Variants in PUM2 observed in about 807,000 individuals in gnomAD.
The protein encoded by PUM2 is pumilio homolog 2.
Under a neutral mutation model 124.5 loss-of-function variants are expected in PUM2, and 57 were observed. That is an observed-to-expected ratio of 0.46 (90% CI 0.37 to 0.57). The LOEUF (loss-of-function observed/expected upper bound fraction) is 0.57. Among genes scored for constraint, PUM2 ranks in the 20% least tolerant of loss-of-function variants. The probability of loss-of-function intolerance (pLI) is 0.00; values close to 1 mark genes in which losing one functional copy is unlikely to be tolerated. For missense variants in PUM2, 1,065 were observed against 1,290.6 expected (o/e 0.83, Z 2.68); for synonymous variants, 460 against 446.1 (o/e 1.03, Z -0.39).
intron 10 of PUM2, among the ~76,000 whole-genome samples, chr2:20,285,418 A>C (rs1672499186): frequency 6.6e-6 from 1 of 152,200 alleles, no homozygotes; most frequent in Non-Finnish European, 1.5e-5. Context: ...CAAAGCTCTG[A>C]ATATGGCCCA....
At chr2:20,267,040 T>C (rs1235743492) in intron 13 of PUM2, among the ~76,000 whole-genome samples, 1 of 152,004 alleles carries the variant, frequency 6.6e-6, no homozygotes, top group Non-Finnish European at 1.5e-5. Context: ...TTTTTTTTTT[T>C]TGAGACAGGT....
chr2:20,286,202 G>C (rs1254223100), intron 10 of PUM2, among the ~76,000 whole-genome samples: 2 of 152,184 alleles, frequency 1.3e-5, no homozygotes, highest in Non-Finnish European at 2.9e-5. Context: ...CTCCATAGGG[G>C]AGAAAAGAGG....
intron 1 of PUM2, among the ~76,000 whole-genome samples, chr2:20,327,724 G>C (rs1362320519): frequency 6.6e-6 from 1 of 152,004 alleles, no homozygotes; most frequent in Non-Finnish European, 1.5e-5. Context: ...TTTTTAAATG[G>C]CATTTCTGCC....
In PUM2 at chr2:20,294,507, C is replaced by G; in HGVS notation, c.1021G>C (p.Val341Leu). The G allele has an allele frequency of 6.2e-7, 1 of 1,613,446 alleles. No individual in the cohort carries two copies. Among genetic ancestry groups the G allele is most frequent in the Middle Eastern group, 1.6e-4 (1 of 6,062 alleles). The change falls in exon 9 of 21, where the codon GTT becomes CTT. Residue 341 changes from valine to leucine, a missense_variant. Coordinates refer to ENST00000361078, the MANE Select transcript of PUM2 (RefSeq NM_015317.5). ...AAATLAGPAV[V>L]PPQYYGVPWG... The stretch of plus-strand genomic sequence containing the variant: ...GGAACGCCGTAATACTGAGGTGGAA[C>G]CACTGCTGGACCTAAACCCCACACC...
chr2:20,338,053 C>T (rs78096790), intron 1 of PUM2, among the ~76,000 whole-genome samples: 7 of 152,266 alleles, frequency 4.6e-5, no homozygotes, highest in Non-Finnish European at 8.8e-5. Context: ...AAAGCCCATG[C>T]TCTTTCCCAT....
chr2:20,336,185 GTTTT>G (rs1015627056), intron 1 of PUM2, among the ~76,000 whole-genome samples: 7 of 143,122 alleles, frequency 4.9e-5, no homozygotes, highest in East Asian at 4.7e-4. Flanking sequence ...GCGTTTTTTT[GTTTT>G]TTTGTTTGTT....
At chr2:20,296,599 C>A (rs113922026) in intron 8 of PUM2, among the ~76,000 whole-genome samples, 1 of 151,826 alleles carries the variant, frequency 6.6e-6, no homozygotes, top group African/African-American at 2.4e-5. Context: ...TCAAAGCCCC[C>A]CCAGCCCCCC....
rs150093934 is a variant in PUM2 at position 20,259,963 on chromosome 2, G to T, written c.2355+374C>A. ...GTTATTTTCCGATTTTATGTTTTCC[G>T]ATTACAGTCATCTTAGTAGGTATAA... On this transcript the variant is annotated intron_variant, in intron 15 of 20. Transcript: ENST00000361078. Among the ~76,000 whole-genome samples the T allele has an allele frequency of 7.4e-3, 1,120 of 152,180 alleles. 9 individuals are homozygous for T. The highest frequency in any genetic ancestry group is 0.026 in the African/African-American group (1,072 of 41,514).
intron 1 of PUM2, among the ~76,000 whole-genome samples, chr2:20,341,447 G>A (rs1327691629): frequency 2.6e-5 from 4 of 152,138 alleles, no homozygotes; most frequent in Admixed American, 1.3e-4. Context: ...GTTGCCTAAT[G>A]TGTATCATAT....
At chr2:20,347,407 C>G (rs1034039505) in intron 1 of PUM2, among the ~76,000 whole-genome samples, 6 of 152,154 alleles carry the variant, frequency 3.9e-5, no homozygotes, top group Non-Finnish European at 8.8e-5. Flanking sequence ...TAACATGTCT[C>G]TAAACATAAT....
chr2:20,282,833 T>C (rs1671845727), intron 12 of PUM2, 114 bp downstream of exon 12: 1 of 1,193,188 alleles, frequency 8.4e-7, no homozygotes, highest in South Asian at 1.6e-5. Context: ...AGTAGTCCAA[T>C]ACTTTATTCC....
chr2:20,255,120 G>T, intron 18 of PUM2, 96 bp downstream of exon 18: 1 of 1,475,104 alleles, frequency 6.8e-7, no homozygotes, highest in South Asian at 1.2e-5. Flanking sequence ...TCTCACTCTT[G>T]TCTATAGTGT....
At position 20,308,589 on chromosome 2, in the gene PUM2, A is replaced by C. The variant is rs987147515; in HGVS notation, c.519-5T>G. ...TGACGACTTCCAGGAGTACGACTAC[A>C]TAAAGAAAATAGAAAAGCATTATGA... is the stretch of plus-strand genomic sequence containing the variant. On this transcript the variant is annotated splice_region_variant and splice_polypyrimidine_tract_variant and intron_variant, in intron 5 of 20. Transcript: ENST00000361078. 1 of 1,585,396 alleles carries C rather than the reference A, an allele frequency of 6.3e-7. No individual in the cohort carries two copies. The highest frequency in any genetic ancestry group is 8.6e-7 in the Non-Finnish European group (1 of 1,168,480).
At chr2:20,260,098 T>G (rs945160273) in intron 15 of PUM2, among the ~76,000 whole-genome samples, 7 of 152,224 alleles carry the variant, frequency 4.6e-5, no homozygotes, top group Non-Finnish European at 8.8e-5. Flanking sequence ...GAGAAATGTC[T>G]GTGCAAGTCC....
chr2:20,275,669 C>A (rs141010139), intron 13 of PUM2, among the ~76,000 whole-genome samples: 1 of 152,082 alleles, frequency 6.6e-6, no homozygotes, highest in East Asian at 1.9e-4. Flanking sequence ...TCAAAATAAA[C>A]CAACCAACCC....
At chr2:20,273,679 C>T (rs1669541607) in intron 13 of PUM2, among the ~76,000 whole-genome samples, 1 of 152,124 alleles carries the variant, frequency 6.6e-6, no homozygotes, top group Admixed American at 6.5e-5. Flanking sequence ...AGGGTTGTAG[C>T]TGTTTTTCAA....
Position 20,350,776 on chromosome 2 carries a change from A to T in PUM2, c.-198T>A. On this transcript the variant is annotated 5_prime_UTR_variant, in exon 1 of 21. Transcript: ENST00000361078. ...TCTCCTCCCCCTCCTCCTCCGAACC[A>T]CCGAAGTACCGAGGGTGAGACACAG... 5 of 901,092 alleles carry T rather than the reference A, an allele frequency of 5.5e-6. No individual in the cohort carries two copies. The highest frequency in any genetic ancestry group is 6.3e-6 in the Non-Finnish European group (5 of 790,588). 55.8% of individuals were successfully genotyped at this position (901,092 alleles called of 1,614,324 possible).
At chr2:20,278,958 T>C (rs1201159385) in intron 12 of PUM2, 139 bp from the exon 13 acceptor site, 5 of 664,412 alleles carry the variant, frequency 7.5e-6, no homozygotes, top group African/African-American at 3.6e-5. Context: ...ATTACTGTGA[T>C]AACTATATAT....
intron 7 of PUM2, among the ~76,000 whole-genome samples, chr2:20,307,534 T>C (rs1678637856): frequency 6.6e-6 from 1 of 152,172 alleles, no homozygotes; most frequent in African/African-American, 2.4e-5. Flanking sequence ...TCCCATATTA[T>C]TATTGTGGGA....
Sources: allele counts gnomAD v4.1 joint callset (sites outside exome capture counted in the v4.1 genomes callset), GRCh38; gene constraint gnomAD v4.1.1; transcripts MANE v1.5; gene names NCBI Gene and HGNC (gene_info 2026-07-23, HGNC 2026-07-21).